The following NRG4 variants were observed in gnomAD, a reference collection of about 807,000 sequenced individuals.
NRG4 encodes neuregulin 4, also known as pro-neuregulin-4, membrane-bound isoform.
NRG4 carries 10 observed loss-of-function variants against 15.0 expected under a neutral mutation model. The ratio of observed to expected loss-of-function variants is 0.67; its 90% confidence interval spans 0.41 to 1.13. The LOEUF (loss-of-function observed/expected upper bound fraction) is 1.13, where lower values mean the gene tolerates loss of function less well. Among genes scored for constraint, NRG4 ranks in the 50% most tolerant of loss-of-function variants. NRG4 has a pLI of 0.00. For synonymous variants in NRG4, 41 were observed against 50.1 expected (o/e 0.82, Z 0.77); for missense variants, 139 against 140.2 (o/e 0.99, Z 0.04).
intron 4 of NRG4, among the ~76,000 whole-genome samples, chr15:76,036,309 G>A (rs543935138): frequency 6.6e-6 from 1 of 152,266 alleles, no homozygotes; most frequent in East Asian, 1.9e-4. Context: ...AAATGTTTAA[G>A]CAATAAATTT....
chr15:76,011,002 C>T (rs745879625), intron 2 of NRG4, among the ~76,000 whole-genome samples: 1 of 151,902 alleles, frequency 6.6e-6, no homozygotes, highest in Non-Finnish European at 1.5e-5. Context: ...GTTATAAAAC[C>T]AATAAAACAC....
chr15:76,029,807 G>A (rs1313217236), intron 5 of NRG4, among the ~76,000 whole-genome samples: 2 of 152,158 alleles, frequency 1.3e-5, no homozygotes, highest in African/African-American at 2.4e-5. Context: ...ATATGCTCAT[G>A]GATCAGAAGG....
At position 76,019,220 on chromosome 15, in the gene NRG4, T is replaced by C. The variant is rs187275759; in HGVS notation, c.-56-7934A>G. Among the ~76,000 whole-genome samples the C allele has an allele frequency of 1.7e-3, 255 of 152,298 alleles. 3 individuals carry two copies. The highest frequency in any genetic ancestry group is 0.013 in the Admixed American group (193 of 15,296). Reference sequence around the variant, plus strand: ...GCATCCCAGGTCGACTTCAGACTGCTGTGCTGGCAGCGAGAATTTCAAGCC... The same window carrying C: ...GCATCCCAGGTCGACTTCAGACTGCCGTGCTGGCAGCGAGAATTTCAAGCC... On this transcript the variant is annotated intron_variant, in intron 5 of 8. Coordinates refer to the NRG4 transcript ENST00000563910.
At chr15:76,045,592 C>T (rs1407273457) in intron 4 of NRG4, among the ~76,000 whole-genome samples, 2 of 150,678 alleles carry the variant, frequency 1.3e-5, no homozygotes, top group Non-Finnish European at 2.9e-5. Flanking sequence ...TACTATTCAG[C>T]CATAAAAAAA....
At chr15:75,965,152 G>T (rs2032737633) in intron 3 of NRG4, among the ~76,000 whole-genome samples, 1 of 151,936 alleles carries the variant, frequency 6.6e-6, no homozygotes, top group South Asian at 2.1e-4. Context: ...GTGAACCCGG[G>T]AGGCGGAGCT....
chr15:76,042,751 C>T (rs901730932), intron 4 of NRG4, among the ~76,000 whole-genome samples: 1 of 152,118 alleles, frequency 6.6e-6, no homozygotes, highest in African/African-American at 2.4e-5. Flanking sequence ...AATACCAATA[C>T]TACTCAAACT....
At chr15:75,995,170 G>A (rs921135324) in intron 3 of NRG4, among the ~76,000 whole-genome samples, 3 of 151,274 alleles carry the variant, frequency 2.0e-5, no homozygotes, top group Non-Finnish European at 4.4e-5. Context: ...TATGGGAGTC[G>A]TCTCACTCCA....
chr15:76,004,229 T>C (rs906433910), intron 3 of NRG4, among the ~76,000 whole-genome samples: 2 of 152,158 alleles, frequency 1.3e-5, no homozygotes, highest in East Asian at 3.9e-4. Flanking sequence ...CTTTAAAAGG[T>C]TAAATTTAAT....
intron 5 of NRG4, among the ~76,000 whole-genome samples, chr15:76,022,843 T>C (rs1567115995): frequency 6.6e-6 from 1 of 152,036 alleles, no homozygotes; most frequent in Non-Finnish European, 1.5e-5. Context: ...GGAAACAAAT[T>C]GGAATCTGCT....
chr15:76,032,206 A>G (rs1421719010), intron 5 of NRG4, among the ~76,000 whole-genome samples: 1 of 152,188 alleles, frequency 6.6e-6, no homozygotes, highest in Non-Finnish European at 1.5e-5. Context: ...GGTTGAAAAT[A>G]CCCTTATCAT....
At chr15:76,031,874 A>C (rs1282526206) in intron 5 of NRG4, among the ~76,000 whole-genome samples, 1 of 152,078 alleles carries the variant, frequency 6.6e-6, no homozygotes, top group African/African-American at 2.4e-5. Flanking sequence ...AATAAATAAA[A>C]CCCCTAAAAA....
chr15:75,968,882 A>C (rs1450477645), intron 3 of NRG4, among the ~76,000 whole-genome samples: 2 of 152,192 alleles, frequency 1.3e-5, no homozygotes, highest in Non-Finnish European at 2.9e-5. Context: ...TATACATAGA[A>C]ATTGCTATGT....
At chr15:75,984,449 A>G (rs897688590) in intron 3 of NRG4, among the ~76,000 whole-genome samples, 1 of 152,202 alleles carries the variant, frequency 6.6e-6, no homozygotes, top group Non-Finnish European at 1.5e-5. Flanking sequence ...ATGGAACACT[A>G]CACAACCATA....
chr15:76,047,413 G>A (rs2035895267), intron 4 of NRG4, among the ~76,000 whole-genome samples: 2 of 150,790 alleles, frequency 1.3e-5, no homozygotes, highest in Admixed American at 6.6e-5. Context: ...TAGGATATAC[G>A]TACACACTGG....
Position 76,049,705 on chromosome 15 carries a change from C to A in NRG4, c.-105+2362G>T, listed in dbSNP as rs2035952171. On this transcript the variant is annotated intron_variant, in intron 4 of 8. Transcript: ENST00000563910. Reference sequence around the variant, plus strand: ...TTCTCTGACTCAGTAGAAAGAACAACAGCCCTTTCCTTGCTCCTACATGAG... The same window carrying A: ...TTCTCTGACTCAGTAGAAAGAACAAAAGCCCTTTCCTTGCTCCTACATGAG... 1.3e-5 allele frequency among the ~76,000 whole-genome samples: 2 copies of A among 151,008 alleles called. 1 individual carries two copies. Among genetic ancestry groups the A allele is most frequent in the African/African-American group, 4.9e-5 (2 of 40,502 alleles).
At chr15:75,935,400 A>G (rs923845203), downstream of NRG4, 1 of 152,204 alleles carries the variant, frequency 6.6e-6, no homozygotes, top group African/African-American at 2.4e-5. Context: ...CGATCAGATC[A>G]TAGAATACTT....
At chr15:75,944,576 C>T (rs2031341841) in intron 5 of NRG4, among the ~76,000 whole-genome samples, 2 of 152,190 alleles carry the variant, frequency 1.3e-5, no homozygotes, top group South Asian at 4.1e-4. Flanking sequence ...GGCAGGAGGA[C>T]ATCCTTGGTG....
At chr15:75,978,784 T>C (rs1039177163) in intron 3 of NRG4, among the ~76,000 whole-genome samples, 6 of 152,246 alleles carry the variant, frequency 3.9e-5, no homozygotes, top group African/African-American at 9.6e-5. Context: ...ATTTCCCCTA[T>C]GGTTAGCGAT....
At chr15:76,044,357 T>C (rs1364967217) in intron 4 of NRG4, among the ~76,000 whole-genome samples, 2 of 150,342 alleles carry the variant, frequency 1.3e-5, no homozygotes, top group Admixed American at 1.3e-4. Flanking sequence ...AAGGACAGTC[T>C]CTTCAATAAA....
Sources: gnomAD v4.1 joint callset for allele counts (sites outside exome capture counted in the v4.1 genomes callset) on GRCh38, gnomAD v4.1.1 for gene constraint, MANE v1.5 for transcripts, NCBI Gene and HGNC (gene_info 2026-07-23, HGNC 2026-07-21) for gene names.